Variants in RNF180 observed in about 807,000 individuals in gnomAD.
RNF180 encodes E3 ubiquitin-protein ligase RNF180.
A neutral mutation model predicts 59.2 loss-of-function variants in RNF180; 38 were observed. The ratio of observed to expected loss-of-function variants is 0.64; its 90% CI spans 0.50 to 0.84. The LOEUF (loss-of-function observed/expected upper bound fraction) is 0.84. Ranked by LOEUF, RNF180 falls within the 40% of genes least tolerant of loss-of-function variation. The pLI is 0.00. For missense variants in RNF180, 705 were observed against 700.9 expected (o/e 1.01, Z -0.07); for synonymous variants, 262 against 240.3 (o/e 1.09, Z -0.84).
intron 5 of RNF180, among the ~76,000 whole-genome samples, chr5:64,286,113 A>T (rs529229655): frequency 4.5e-4 from 69 of 152,062 alleles, no homozygotes; most frequent in African/African-American, 1.6e-3. Context: ...CCCTCCATAC[A>T]CTTACCCTCA....
intron 2 of RNF180, among the ~76,000 whole-genome samples, chr5:64,209,254 C>T (rs1240044972): frequency 6.6e-6 from 1 of 151,936 alleles, no homozygotes; most frequent in Admixed American, 6.6e-5. Flanking sequence ...CTTTCTTCTA[C>T]CTACAACTGT....
At chr5:64,181,615 A>G (rs1297863185) in intron 1 of RNF180, among the ~76,000 whole-genome samples, 4 of 152,142 alleles carry the variant, frequency 2.6e-5, no homozygotes, top group Non-Finnish European at 4.4e-5. Flanking sequence ...ACCTTTGCCT[A>G]GATAGGAGCA....
intron 4 of RNF180, among the ~76,000 whole-genome samples, chr5:64,215,356 T>A (rs1461009951): frequency 6.6e-6 from 1 of 152,180 alleles, no homozygotes; most frequent in Admixed American, 6.5e-5. Flanking sequence ...AGCTGCAACT[T>A]GATATATTAG....
At chr5:64,316,848 A>G (rs1426522861) in intron 5 of RNF180, among the ~76,000 whole-genome samples, 1 of 152,188 alleles carries the variant, frequency 6.6e-6, no homozygotes, top group Non-Finnish European at 1.5e-5. Context: ...GCACTGAAAT[A>G]CAGATATGTC....
At chr5:64,276,870 C>T (rs376162405) in intron 5 of RNF180, among the ~76,000 whole-genome samples, 1 of 151,982 alleles carries the variant, frequency 6.6e-6, no homozygotes, top group African/African-American at 2.4e-5. Flanking sequence ...ATATTACCAA[C>T]GCAAGCACCT....
chr5:64,315,664 G>A (rs7719273), intron 5 of RNF180, among the ~76,000 whole-genome samples: 67,387 of 150,226 alleles, frequency 0.45, 16,505 homozygotes, highest in African/African-American at 0.65. Flanking sequence ...TGAACCTGGG[G>A]GGCAGAGGTT....
At chr5:64,315,406 A>G (rs1743984095) in intron 5 of RNF180, among the ~76,000 whole-genome samples, 1 of 152,182 alleles carries the variant, frequency 6.6e-6, no homozygotes, top group South Asian at 2.1e-4. Context: ...ATGATGTTCT[A>G]TGAAAAAAGA....
intron 5 of RNF180, among the ~76,000 whole-genome samples, chr5:64,318,382 C>T (rs895076893): frequency 2.0e-5 from 3 of 152,108 alleles, no homozygotes; most frequent in Admixed American, 6.5e-5. Flanking sequence ...AGAAATGATT[C>T]ACATCCTGTG....
intron 5 of RNF180, among the ~76,000 whole-genome samples, chr5:64,228,447 G>A (rs1741905253): frequency 6.6e-6 from 1 of 152,174 alleles, no homozygotes; most frequent in South Asian, 2.1e-4. Context: ...CCGGGAGGTT[G>A]AGACTGCAGT....
At chr5:64,308,987 C>A (rs1375432178) in intron 5 of RNF180, among the ~76,000 whole-genome samples, 1 of 151,672 alleles carries the variant, frequency 6.6e-6, no homozygotes. Context: ...GAATAATTTG[C>A]CCTCTTCTTT....
chr5:64,362,360 T>G (rs145063336), intron 7 of RNF180, among the ~76,000 whole-genome samples: 112 of 152,014 alleles, frequency 7.4e-4, no homozygotes, highest in African/African-American at 2.6e-3. Context: ...GTTTCTACAT[T>G]AGCTTGCTAA....
chr5:64,288,969 G>A (rs944956966), intron 5 of RNF180, among the ~76,000 whole-genome samples: 77 of 152,056 alleles, frequency 5.1e-4, no homozygotes, highest in African/African-American at 1.6e-3. Flanking sequence ...ATCTTGTACC[G>A]GTTTTCAAGG....
rs199573232 is a variant in RNF180 at position 64,269,720 on chromosome 5, T to A, written c.1227+52324T>A. Among the ~76,000 whole-genome samples the A allele has an allele frequency of 2.0e-5, 3 of 152,196 alleles. No individual in the cohort carries two copies. The East Asian group carries it at 5.8e-4, about 29-fold the overall frequency. On this transcript the variant is annotated intron_variant, in intron 5 of 7. Transcript: ENST00000389100. ...GACCACATTTATTCAGCTCTGATAT[T>A]ATCTTCAAACTTCAAAGTTTATTTT...
chr5:64,173,378 TG>T lies in RNF180; in HGVS notation c.-1+7430del, dbSNP rs1750047527. On this transcript the variant is annotated intron_variant, in intron 1 of 7. Transcript: ENST00000389100. ...ATTTTTGACATATATTGTACATATTTGGGGGTACAGTGTGATGTTCTGATAC... is the reference window on the plus strand; with the variant it reads ...ATTTTTGACATATATTGTACATATTTGGGGTACAGTGTGATGTTCTGATAC... Among the ~76,000 whole-genome samples, 3 of 152,320 alleles carry T rather than the reference TG, an allele frequency of 2.0e-5. No individual in the cohort carries two copies. The South Asian group carries it at 6.2e-4, about 32-fold the overall frequency.
intron 1 of RNF180, among the ~76,000 whole-genome samples, chr5:64,172,730 A>G (rs1271608402): frequency 6.6e-6 from 1 of 152,176 alleles, no homozygotes; most frequent in African/African-American, 2.4e-5. Flanking sequence ...TCCTCCGTGT[A>G]TTGCAGGAGA....
intron 5 of RNF180, among the ~76,000 whole-genome samples, chr5:64,319,174 T>TA (rs67593090): frequency 0.031 from 4,116 of 134,376 alleles, 107 homozygotes; most frequent in African/African-American, 0.076. Flanking sequence ...AACTGTTGTT[T>TA]AAAAAAAAAA....
intron 5 of RNF180, among the ~76,000 whole-genome samples, chr5:64,221,897 A>T (rs1411243368): frequency 6.6e-6 from 1 of 152,224 alleles, no homozygotes; most frequent in Non-Finnish European, 1.5e-5. Flanking sequence ...CATTAGTATG[A>T]TACATTTGTC....
intron 5 of RNF180, among the ~76,000 whole-genome samples, chr5:64,248,639 T>C (rs1275500065): frequency 6.6e-6 from 1 of 152,166 alleles, no homozygotes; most frequent in Non-Finnish European, 1.5e-5. Flanking sequence ...GAAATAGGAA[T>C]GCCTTTACAC....
intron 7 of RNF180, among the ~76,000 whole-genome samples, chr5:64,351,816 T>C (rs1419905781): frequency 3.3e-5 from 5 of 152,272 alleles, no homozygotes; most frequent in East Asian, 3.9e-4. Context: ...CAGTATTTTA[T>C]TGAGGATTTT....
Sources: gnomAD v4.1 joint callset for allele counts (sites outside exome capture counted in the v4.1 genomes callset) on GRCh38, gnomAD v4.1.1 for gene constraint, MANE v1.5 for transcripts, NCBI Gene and HGNC (gene_info 2026-07-23, HGNC 2026-07-21) for gene names.